The following RSU1 variants were observed in gnomAD, a reference collection of about 807,000 sequenced individuals.
RSU1 encodes the protein Ras suppressor protein 1.
A neutral mutation model predicts 31.1 loss-of-function variants in RSU1; 26 were observed. The observed-to-expected ratio is 0.84, with a 90% CI of 0.61 to 1.16. RSU1 has a LOEUF of 1.16. RSU1 is among the 50% of genes most tolerant of loss of function. RSU1 has a pLI of 0.00. For missense variants in RSU1, 320 were observed against 339.1 expected, an observed-to-expected ratio of 0.94 and a Z score of 0.44; for synonymous variants, 164 against 136.3, an observed-to-expected ratio of 1.20 and a Z score of -1.41.
intron 3 of RSU1, among the ~76,000 whole-genome samples, chr10:16,777,529 C>T (rs920750717): frequency 1.3e-5 from 2 of 152,138 alleles, no homozygotes; most frequent in African/African-American, 4.8e-5. Flanking sequence ...TGGTGCAGGG[C>T]CGGAGAGCCT....
chr10:16,605,542 C>T (rs375305103), intron 8 of RSU1, among the ~76,000 whole-genome samples: 4 of 152,312 alleles, frequency 2.6e-5, no homozygotes, highest in East Asian at 1.9e-4. Flanking sequence ...TCTCCAGTGC[C>T]TGGTGCCTCA....
chr10:16,810,986 T>C (rs1838396770), intron 2 of RSU1, among the ~76,000 whole-genome samples: 1 of 135,668 alleles, frequency 7.4e-6, no homozygotes, highest in Non-Finnish European at 1.5e-5. Flanking sequence ...CATGCCACTG[T>C]AGTCCAGCCT....
rs904869596 is a variant in RSU1, at chr10:16,768,093, G to A, written c.161-3583C>T. ...AGTATATTTCTTACATCTTTGAAAC[G>A]ATCCTTTTTCATCAATCTGTCCAGC... On this transcript the variant is annotated intron_variant, in intron 3 of 8. Coordinates refer to ENST00000345264, the MANE Select transcript of RSU1 (RefSeq NM_012425.4). 2.0e-4 allele frequency among the ~76,000 whole-genome samples: 31 copies of A among 152,234 alleles called. 3 individuals are homozygous for A. The highest frequency in any genetic ancestry group is 1.2e-3 in the Admixed American group (18 of 15,298).
intron 7 of RSU1, among the ~76,000 whole-genome samples, 166 bp from the exon 8 acceptor site, chr10:16,695,321 C>T (rs965874457): frequency 1.5e-4 from 23 of 152,084 alleles, no homozygotes; most frequent in Admixed American, 1.4e-3. Flanking sequence ...CACAGGTACA[C>T]AGTCATGACA....
chr10:16,618,525 A>G (rs563859185), intron 8 of RSU1, among the ~76,000 whole-genome samples: 2 of 152,370 alleles, frequency 1.3e-5, no homozygotes, highest in East Asian at 3.9e-4. Flanking sequence ...ACACATGCAC[A>G]CGTATATTTA....
intron 7 of RSU1, among the ~76,000 whole-genome samples, chr10:16,702,121 C>A (rs1438316884): frequency 6.6e-6 from 1 of 152,154 alleles, no homozygotes; most frequent in African/African-American, 2.4e-5. Flanking sequence ...CTGACTTGGG[C>A]AAATCCCAGA....
chr10:16,752,508 C>G, intron 7 of RSU1, 31 bp downstream of exon 7: 1 of 1,516,160 alleles, frequency 6.6e-7, no homozygotes, highest in Non-Finnish European at 9.2e-7. Context: ...TCATGAAACC[C>G]AGAACTAAGT....
intron 8 of RSU1, among the ~76,000 whole-genome samples, chr10:16,642,866 A>T (rs1834470225): frequency 6.6e-6 from 1 of 152,236 alleles, no homozygotes; most frequent in Admixed American, 6.5e-5. Flanking sequence ...ATTGAAGTAT[A>T]ATTTATGTAC....
chr10:16,674,537 A>G (rs1436913391), intron 8 of RSU1, among the ~76,000 whole-genome samples: 2 of 152,028 alleles, frequency 1.3e-5, no homozygotes, highest in Non-Finnish European at 2.9e-5. Flanking sequence ...GCTCCTGAGG[A>G]CAGAGCAGTG....
At chr10:16,625,267 A>G (rs1050733172) in intron 8 of RSU1, among the ~76,000 whole-genome samples, 3 of 152,052 alleles carry the variant, frequency 2.0e-5, no homozygotes, top group Non-Finnish European at 2.9e-5. Context: ...CCAGTCACCA[A>G]CTGGGAAGAG....
At chr10:16,724,437 G>C (rs1211808845) in intron 7 of RSU1, among the ~76,000 whole-genome samples, 1 of 152,186 alleles carries the variant, frequency 6.6e-6, no homozygotes, top group African/African-American at 2.4e-5. Context: ...GAGGGCATTA[G>C]CAATGAACAC....
intron 3 of RSU1, among the ~76,000 whole-genome samples, chr10:16,773,022 C>T (rs562808118): frequency 8.4e-4 from 128 of 152,046 alleles, no homozygotes; most frequent in African/African-American, 3.0e-3. Context: ...GCCTGGGCAA[C>T]AGGGCGAAAC....
chr10:16,714,897 A>C (rs2131583656), intron 7 of RSU1, among the ~76,000 whole-genome samples: 1 of 152,262 alleles, frequency 6.6e-6, no homozygotes, highest in Non-Finnish European at 1.5e-5. Flanking sequence ...GCTACTCTCC[A>C]AACTGGATTG....
At position 16,656,225 on chromosome 10, in the gene RSU1, CT is replaced by C. The variant is rs563906358; in HGVS notation, c.731+38797del. On this transcript the variant is annotated intron_variant, in intron 8 of 8. Coordinates refer to ENST00000345264, the MANE Select transcript of RSU1 (RefSeq NM_012425.4). ...AATATTTGACATGTATCCTTCAAAG[CT>C]TTTTTTTTGTTTCCATACAGATTTG... Among the ~76,000 whole-genome samples, 36 of 151,268 alleles carry C rather than the reference CT, an allele frequency of 2.4e-4. No individual in the cohort carries two copies. The South Asian group carries it at 6.5e-3, about 27-fold the overall frequency.
chr10:16,686,805 AGT>A (rs1835447939), intron 8 of RSU1, among the ~76,000 whole-genome samples: 1 of 152,174 alleles, frequency 6.6e-6, no homozygotes, highest in African/African-American at 2.4e-5. Context: ...AGCCTTTTGT[AGT>A]GCAAGGTTCA....
chr10:16,783,932 G>A (rs1837713995), intron 2 of RSU1, among the ~76,000 whole-genome samples: 3 of 152,166 alleles, frequency 2.0e-5, no homozygotes, highest in South Asian at 4.1e-4. Context: ...TTTTAGGGAA[G>A]AAATAGGATC....
At chr10:16,728,248 T>A (rs1285746873) in intron 7 of RSU1, among the ~76,000 whole-genome samples, 1 of 152,160 alleles carries the variant, frequency 6.6e-6, no homozygotes, top group African/African-American at 2.4e-5. Context: ...TCAAAATACG[T>A]CATAAAAGAC....
intron 2 of RSU1, among the ~76,000 whole-genome samples, chr10:16,804,819 T>C (rs1414184661): frequency 6.6e-6 from 1 of 151,836 alleles, no homozygotes; most frequent in Non-Finnish European, 1.5e-5. Flanking sequence ...GTTTTGGAGG[T>C]AGATAATGAG....
At chr10:16,686,999 C>T (rs575233199) in intron 8 of RSU1, among the ~76,000 whole-genome samples, 1 of 152,266 alleles carries the variant, frequency 6.6e-6, no homozygotes, top group Admixed American at 6.5e-5. Flanking sequence ...CTGAGCCTAC[C>T]AGGTCCCAGT....
Sources: gnomAD v4.1 joint callset for allele counts (sites outside exome capture counted in the v4.1 genomes callset) on GRCh38, gnomAD v4.1.1 for gene constraint, MANE v1.5 for transcripts, NCBI Gene and HGNC (gene_info 2026-07-23, HGNC 2026-07-21) for gene names.